ZNF568: variants seen among roughly 807,000 people sequenced by gnomAD.
The protein encoded by ZNF568 is zinc finger protein 568.
A neutral mutation model predicts 18.1 loss-of-function variants in ZNF568; 11 were observed. The observed-to-expected ratio is 0.61, with a 90% confidence interval of 0.38 to 1.00. The LOEUF is 1.00. Ranked by LOEUF, ZNF568 falls within the 50% of genes least tolerant of loss-of-function variation. ZNF568 has a pLI of 0.01. For synonymous variants in ZNF568, 213 were observed against 246.6 expected (o/e 0.86, Z 1.28); for missense variants, 639 against 768.2 (o/e 0.83, Z 1.99).
At chr19:36,954,212 A>C (rs762221399), downstream of ZNF568, among the ~76,000 whole-genome samples, 1 of 152,196 alleles carries the variant, frequency 6.6e-6, no homozygotes, top group Admixed American at 6.5e-5. Flanking sequence ...GCGACACAGC[A>C]AGACTCTGCC....
At chr19:36,990,431 A>C (rs2074413485) in intron 2 of ZNF568, among the ~76,000 whole-genome samples, 2 of 152,188 alleles carry the variant, frequency 1.3e-5, no homozygotes, top group Admixed American at 1.3e-4. Flanking sequence ...CCTGGCCATC[A>C]TGGGGAAACT....
chr19:36,948,881 A>G (rs2074011302), intron 6 of ZNF568, among the ~76,000 whole-genome samples: 1 of 152,028 alleles, frequency 6.6e-6, no homozygotes, highest in South Asian at 2.1e-4. Flanking sequence ...TTGAGCGCCT[A>G]GATTCTCCAA....
At chr19:36,920,635 T>A (rs1308415499) in intron 2 of ZNF568, among the ~76,000 whole-genome samples, 11 of 140,580 alleles carry the variant, frequency 7.8e-5, no homozygotes, top group South Asian at 2.2e-4. Flanking sequence ...AAAAAAAAAA[T>A]GAAAAGCTTA....
chr19:36,923,481 C>G (rs1178218505), intron 3 of ZNF568, among the ~76,000 whole-genome samples: 2 of 151,860 alleles, frequency 1.3e-5, no homozygotes, highest in African/African-American at 4.8e-5. Flanking sequence ...GCCAGAACTC[C>G]TGCTTTTTGG....
intron 4 of ZNF568, among the ~76,000 whole-genome samples, chr19:36,931,963 T>G (rs2073693650): frequency 6.6e-6 from 1 of 152,116 alleles, no homozygotes; most frequent in African/African-American, 2.4e-5. Flanking sequence ...ATTTTGGACA[T>G]TTAATGTAAA....
chr19:36,956,601 C>A (rs826312), downstream of ZNF568, among the ~76,000 whole-genome samples: 59,393 of 118,266 alleles, frequency 0.5, 12,230 homozygotes, highest in African/African-American at 0.61. Flanking sequence ...TTAAAAAAAA[C>A]TTTTTTTTTT....
rs1600864900 is a variant in ZNF568, at chr19:36,995,214, A to G, written c.230-1103A>G. Among the ~76,000 whole-genome samples the G allele has an allele frequency of 4.6e-5, 7 of 152,240 alleles. No individual in the cohort carries two copies. In the South Asian group the frequency reaches 1.5e-3, roughly 32 times the overall value. ...GGTGTTTGAGACCAGTCTGGCCAAC[A>G]TGGCGAAACCCTGTATCTATTAAAA... On this transcript the variant is annotated intron_variant, in intron 4 of 4. Coordinates refer to the ZNF568 transcript ENST00000433993.
At chr19:36,981,340 T>C (rs142387071), downstream of ZNF568, among the ~76,000 whole-genome samples, 72 of 152,334 alleles carry the variant, frequency 4.7e-4, no homozygotes, top group East Asian at 0.012. Context: ...AGAATTGGCT[T>C]ATCAATTTCT....
Position 36,969,891 on chromosome 19 carries a change from T to A in ZNF568, c.359-4529T>A, listed in dbSNP as rs2074224543. 2.4e-5 allele frequency among the ~76,000 whole-genome samples: 2 copies of A among 83,340 alleles called. 1 individual carries two copies. The highest frequency in any genetic ancestry group is 7.4e-4 in the South Asian group (2 of 2,688). 54.7% of individuals were successfully genotyped at this position (83,340 alleles called of 152,430 possible). On this transcript the variant is annotated intron_variant, in intron 6 of 7. Coordinates refer to the ZNF568 transcript ENST00000427117. Reference sequence around the variant, plus strand: ...CTCACTGCAACCTCTGCCTCCCGAGTACCTAGGACTACAGGCATGCACCAT... The same window carrying A: ...CTCACTGCAACCTCTGCCTCCCGAGAACCTAGGACTACAGGCATGCACCAT...
intron 7 of ZNF568, among the ~76,000 whole-genome samples, chr19:36,977,706 C>T (rs1422559409): frequency 6.6e-6 from 1 of 152,194 alleles, no homozygotes; most frequent in African/African-American, 2.4e-5. Flanking sequence ...GTTCCCCTTG[C>T]ACTTCAACCC....
intron 4 of ZNF568, among the ~76,000 whole-genome samples, chr19:36,930,213 CTTT>C (rs35298028): frequency 7.0e-6 from 1 of 142,312 alleles, no homozygotes. Context: ...GATGCAATTT[CTTT>C]TTTTTTTTTT....
At chr19:36,989,372 AGG>A (rs1170494703) in intron 2 of ZNF568, among the ~76,000 whole-genome samples, 1 of 151,790 alleles carries the variant, frequency 6.6e-6, no homozygotes, top group African/African-American at 2.4e-5. Flanking sequence ...TAGTAGAGAC[AGG>A]GTTTCACCAT....
chr19:36,970,592 C>T (rs1305770542), intron 6 of ZNF568, among the ~76,000 whole-genome samples: 1 of 152,040 alleles, frequency 6.6e-6, no homozygotes, highest in Non-Finnish European at 1.5e-5. Flanking sequence ...CTGCCTCAGC[C>T]TCCCAAACTG....
At chr19:36,981,300 G>A (rs1012216783), downstream of ZNF568, among the ~76,000 whole-genome samples, 1 of 152,140 alleles carries the variant, frequency 6.6e-6, no homozygotes, top group African/African-American at 2.4e-5. Flanking sequence ...GGTCTTAGCT[G>A]TTCCTAGGTT....
At chr19:36,995,394 G>A (rs1482429146) in intron 4 of ZNF568, among the ~76,000 whole-genome samples, 1 of 152,100 alleles carries the variant, frequency 6.6e-6, no homozygotes, top group South Asian at 2.1e-4. Context: ...GTGAGACTGT[G>A]TCTCAAAAAC....
chr19:36,955,344 T>C (rs2074099806), downstream of ZNF568, among the ~76,000 whole-genome samples: 1 of 150,140 alleles, frequency 6.7e-6, no homozygotes, highest in Non-Finnish European at 1.5e-5. Flanking sequence ...CAGAGAAATG[T>C]AAAATTCCAC....
rs1349881143 is a variant in ZNF568, at chr19:36,951,672, T to TC, written c.*584_*585insC. Reference sequence around the variant, plus strand: ...CGACATACTAAAAAATCAATATTCTTTTTTTTTTTTTTTTTTTTTTGAGAC... The same window carrying TC: ...CGACATACTAAAAAATCAATATTCTTCTTTTTTTTTTTTTTTTTTTTGAGAC... On this transcript the variant is annotated 3_prime_UTR_variant, in exon 7 of 7. Coordinates refer to ENST00000333987, the MANE Select transcript of ZNF568 (RefSeq NM_198539.4). 1 of 141,228 alleles carries TC rather than the reference T, an allele frequency of 7.1e-6. No individual in the cohort carries two copies. Among genetic ancestry groups the TC allele is most frequent in the African/African-American group, 2.6e-5 (1 of 39,172 alleles). 8.7% of individuals were successfully genotyped at this position (141,228 alleles called of 1,614,324 possible).
At chr19:36,941,739 C>T (rs982758368) in intron 6 of ZNF568, among the ~76,000 whole-genome samples, 1 of 152,080 alleles carries the variant, frequency 6.6e-6, no homozygotes. Flanking sequence ...TTTCTCTTAA[C>T]CTAATGTAGC....
At chr19:36,949,269 G>A (rs1016929434) in intron 6 of ZNF568, among the ~76,000 whole-genome samples, 3 of 152,038 alleles carry the variant, frequency 2.0e-5, no homozygotes, top group African/African-American at 7.2e-5. Context: ...ATACGTGGAC[G>A]CTTTAAAAAT....
Sources: gnomAD v4.1 joint callset for allele counts (sites outside exome capture counted in the v4.1 genomes callset) on GRCh38, gnomAD v4.1.1 for gene constraint, MANE v1.5 for transcripts, NCBI Gene and HGNC (gene_info 2026-07-23, HGNC 2026-07-21) for gene names.